NUP205: variants seen among roughly 807,000 people sequenced by gnomAD.
NUP205 encodes nuclear pore complex protein Nup205.
Under a neutral mutation model 253.8 loss-of-function variants are expected in NUP205, and 76 were observed. The ratio of observed to expected loss-of-function variants is 0.30; its 90% CI spans 0.25 to 0.36. The LOEUF is 0.36. Ranked by LOEUF, NUP205 falls within the 10% of genes least tolerant of loss-of-function variation. The pLI is 1.00. For missense variants in NUP205, 2,162 were observed against 2,425.5 expected (o/e 0.89, Z 2.28); for synonymous variants, 832 against 850.1 (o/e 0.98, Z 0.37).
At chr7:135,560,025 A>T (rs947950564) in intron 1 of NUP205, among the ~76,000 whole-genome samples, 1 of 151,964 alleles carries the variant, frequency 6.6e-6, no homozygotes, top group Non-Finnish European at 1.5e-5. Context: ...CACCCAGCTA[A>T]TTTTTTGTAT....
chr7:135,591,649 G>A lies in NUP205; in HGVS notation c.1624+49G>A, dbSNP rs750145324. 6.5e-6 allele frequency: 10 copies of A among 1,535,220 alleles called. No individual in the cohort carries two copies. In the Admixed American group the frequency reaches 7.6e-5, roughly 12 times the overall value. On this transcript the variant is annotated intron_variant, in intron 11 of 42. Transcript: ENST00000285968. ...AAAGTTTGTTGTTATACTCTTTTAA[G>A]TTCAGTATCCCACTACCTATTAAGA...
chr7:135,599,362 T>G (rs1210622718), intron 15 of NUP205, among the ~76,000 whole-genome samples: 1 of 152,210 alleles, frequency 6.6e-6, no homozygotes, highest in African/African-American at 2.4e-5. Flanking sequence ...TCTTTTTTTT[T>G]GTCAATTGCA....
rs761421734 is a variant in NUP205 at position 135,572,941 on chromosome 7, GCTTTTTTTTTTTTTT to G, written c.172-702_172-688del. Among the ~76,000 whole-genome samples the G allele has an allele frequency of 2.0e-3, 290 of 147,704 alleles. 1 individual carries two copies. Among genetic ancestry groups the G allele is most frequent in the Middle Eastern group, 0.018 (5 of 282 alleles). On this transcript the variant is annotated intron_variant, in intron 2 of 42. Coordinates refer to ENST00000285968, the MANE Select transcript of NUP205 (RefSeq NM_015135.3). ...ACCAGAAATGGCTTTTTGCTTTTTA[GCTTTTTTTTTTTTTT>G]CTTTTTTTTTCTTTTTTTTTGCTTT...
chr7:135,600,535 T>G (rs1446948631), intron 15 of NUP205, among the ~76,000 whole-genome samples: 2 of 152,200 alleles, frequency 1.3e-5, no homozygotes, highest in Non-Finnish European at 2.9e-5. Flanking sequence ...TGTTTGGCAC[T>G]TGAAAAGTGT....
intron 11 of NUP205, 104 bp downstream of exon 11, chr7:135,591,704 A>G (rs1454629199): frequency 2.0e-6 from 2 of 977,802 alleles, no homozygotes; most frequent in African/African-American, 3.3e-5. Context: ...GTTCTACCAG[A>G]GGTATAAATT....
Position 135,573,032 on chromosome 7 carries a change from C to T in NUP205, c.172-622C>T, listed in dbSNP as rs532446750. 1.6e-3 allele frequency among the ~76,000 whole-genome samples: 238 copies of T among 145,412 alleles called. 1 individual carries two copies. The highest frequency in any genetic ancestry group is 2.6e-3 in the Non-Finnish European group (177 of 67,208). ...GGAACCAGTTGAGCTGATTTCCAGT[C>T]TTGGCTGTACCACTAGAGAGTTTTA... On this transcript the variant is annotated intron_variant, in intron 2 of 42. Transcript: ENST00000285968.
In NUP205 at chr7:135,619,258, CCTGAG is replaced by C. The variant is rs1470765587; in HGVS notation, c.3964-163_3964-159del. ...GCGGGAGGCTGAGGTGGGAAGACCT[CCTGAG>C]CCCAGGAGGTCAAGGCTGAAGTGAG... On this transcript the variant is annotated intron_variant, in intron 28 of 42. Coordinates refer to ENST00000285968, the MANE Select transcript of NUP205 (RefSeq NM_015135.3). 2.0e-5 allele frequency among the ~76,000 whole-genome samples: 3 copies of C among 151,954 alleles called. No individual in the cohort carries two copies. In the East Asian group the frequency reaches 5.8e-4, roughly 29 times the overall value.
intron 42 of NUP205, among the ~76,000 whole-genome samples, chr7:135,647,990 A>G (rs1795042839): frequency 6.6e-6 from 1 of 152,100 alleles, no homozygotes; most frequent in Admixed American, 6.6e-5. Flanking sequence ...GTAAAAAGTA[A>G]AAGCTTCTTT....
At chr7:135,558,534 C>G (rs1411764164) in intron 1 of NUP205, among the ~76,000 whole-genome samples, 2 of 152,082 alleles carry the variant, frequency 1.3e-5, no homozygotes, top group African/African-American at 4.8e-5. Context: ...GTTCTTGTAC[C>G]TTTGGAGCTG....
intron 4 of NUP205, 81 bp downstream of exon 4, chr7:135,576,495 T>G: frequency 1.6e-6 from 2 of 1,220,106 alleles, no homozygotes; most frequent in Non-Finnish European, 2.3e-6. Context: ...ATATACAATC[T>G]GAGCAATATG....
chr7:135,608,118 C>G (rs1241593701), intron 22 of NUP205, among the ~76,000 whole-genome samples: 3 of 151,640 alleles, frequency 2.0e-5, no homozygotes, highest in Non-Finnish European at 2.9e-5. Flanking sequence ...CCTCCACCTC[C>G]CAGGCTCAAG....
intron 3 of NUP205, among the ~76,000 whole-genome samples, chr7:135,575,082 T>C (rs532256459): frequency 6.6e-6 from 1 of 152,306 alleles, no homozygotes; most frequent in African/African-American, 2.4e-5. Context: ...TCCAGTGATA[T>C]AAAGATGAAT....
At chr7:135,638,122 G>A in intron 37 of NUP205, 63 bp downstream of exon 37, 1 of 1,553,560 alleles carries the variant, frequency 6.4e-7, no homozygotes, top group Non-Finnish European at 8.7e-7. Context: ...AAAAATAACA[G>A]ATGTGGACCT....
chr7:135,593,156 T>G lies in NUP205; in HGVS notation c.1794T>G (p.Ile598Met). 6.2e-7 allele frequency: 1 copy of G among 1,614,166 alleles called. No individual in the cohort carries two copies. Among genetic ancestry groups the G allele is most frequent in the South Asian group, 1.1e-5 (1 of 91,082 alleles). ...GITQKEQDGL[I>M]AFLQLTSTII... ...CCCAGAAGGAGCAAGATGGATTGAT[T>G]GCTTTTTTGCAGCTCACGTCTACCA... Residue 598 changes from isoleucine to methionine, a missense_variant, in exon 12 of 43, where the codon ATT becomes ATG. Coordinates refer to ENST00000285968, the MANE Select transcript of NUP205 (RefSeq NM_015135.3).
intron 35 of NUP205, among the ~76,000 whole-genome samples, chr7:135,633,063 T>A (rs1260133312): frequency 2.6e-5 from 4 of 152,108 alleles, no homozygotes; most frequent in African/African-American, 9.7e-5. Flanking sequence ...CCTACCTGGC[T>A]CAAGTGATCC....
At chr7:135,618,293 AG>A (rs1794401615) in intron 27 of NUP205, 118 bp from the exon 28 acceptor site, 1 of 776,648 alleles carries the variant, frequency 1.3e-6, no homozygotes, top group Non-Finnish European at 2.1e-6. Flanking sequence ...TAATATGAAA[AG>A]ATACCTGCTT....
intron 25 of NUP205, 51 bp from the exon 26 acceptor site, chr7:135,617,039 C>CT (rs2129491268): frequency 7.1e-7 from 1 of 1,399,490 alleles, no homozygotes; most frequent in African/African-American, 1.5e-5. Flanking sequence ...GATGGCTTGC[C>CT]TTTCTTTTCA....
chr7:135,625,460 A>G, intron 32 of NUP205, 105 bp downstream of exon 32: 10 of 821,166 alleles, frequency 1.2e-5, no homozygotes, highest in Non-Finnish European at 1.8e-5. Context: ...TATTTCTATC[A>G]TAAGCTGGAA....
intron 22 of NUP205, among the ~76,000 whole-genome samples, chr7:135,609,603 G>A (rs1424607113): frequency 6.6e-6 from 1 of 151,300 alleles, no homozygotes; most frequent in East Asian, 1.9e-4. Flanking sequence ...AGCCGAGATC[G>A]CACCACTGCA....
Sources: allele counts gnomAD v4.1 joint callset (sites outside exome capture counted in the v4.1 genomes callset), GRCh38; gene constraint gnomAD v4.1.1; transcripts MANE v1.5; gene names NCBI Gene and HGNC (gene_info 2026-07-23, HGNC 2026-07-21).